CADM2: variants seen among roughly 807,000 people sequenced by gnomAD.
The protein encoded by CADM2 is immunoglobulin superfamily member 4D.
A neutral mutation model predicts 49.8 loss-of-function variants in CADM2; 12 were observed. The observed-to-expected ratio is 0.24, with a 90% CI of 0.15 to 0.39. CADM2 has a LOEUF of 0.39. Among genes scored for constraint, CADM2 ranks in the 10% least tolerant of loss-of-function variants. The pLI, the probability that CADM2 is intolerant of heterozygous loss-of-function variation, is 1.00. For missense variants in CADM2, 378 were observed against 492.3 expected (o/e 0.77, Z 2.20); for synonymous variants, 214 against 175.4 (o/e 1.22, Z -1.74).
chr3:85,772,101 G>T (rs904556479), intron 2 of CADM2, among the ~76,000 whole-genome samples: 9 of 147,876 alleles, frequency 6.1e-5, no homozygotes, highest in Non-Finnish European at 1.2e-4. Context: ...TGAAAATATC[G>T]TGGGGAGAAA....
chr3:85,084,672 C>T (rs1043416752), intron 1 of CADM2, among the ~76,000 whole-genome samples: 4 of 151,964 alleles, frequency 2.6e-5, no homozygotes, highest in Admixed American at 1.3e-4. Context: ...AGTAAATTCA[C>T]CTGTTTCTTT....
At chr3:85,654,351 A>T (rs916362152) in intron 1 of CADM2, among the ~76,000 whole-genome samples, 1 of 152,172 alleles carries the variant, frequency 6.6e-6, no homozygotes, top group African/African-American at 2.4e-5. Flanking sequence ...AGGGGATGGG[A>T]ACTAGTGCAC....
intron 1 of CADM2, among the ~76,000 whole-genome samples, chr3:85,006,797 A>T (rs962202188): frequency 2.0e-5 from 3 of 152,144 alleles, no homozygotes; most frequent in African/African-American, 7.2e-5. Context: ...AACTTAAAAG[A>T]TAAAATATAA....
At chr3:85,929,991 A>G (rs1270965902) in intron 6 of CADM2, among the ~76,000 whole-genome samples, 1 of 152,042 alleles carries the variant, frequency 6.6e-6, no homozygotes, top group African/African-American at 2.4e-5. Context: ...GTTTAAGATA[A>G]TAACCTCATT....
intron 1 of CADM2, among the ~76,000 whole-genome samples, chr3:85,254,091 C>A (rs72917149): frequency 0.066 from 10,071 of 152,078 alleles, 1,102 homozygotes; most frequent in African/African-American, 0.23. Flanking sequence ...CAGCTATAAT[C>A]CTTGGAGTTC....
chr3:85,116,836 T>C (rs1027280019), intron 1 of CADM2, among the ~76,000 whole-genome samples: 2 of 151,992 alleles, frequency 1.3e-5, no homozygotes, highest in African/African-American at 4.8e-5. Context: ...ATCATGTTCT[T>C]ACCTTAGGAC....
At chr3:85,649,544 T>C (rs868518972) in intron 1 of CADM2, among the ~76,000 whole-genome samples, 2 of 152,204 alleles carry the variant, frequency 1.3e-5, no homozygotes, top group African/African-American at 2.4e-5. Flanking sequence ...AACTGTAATG[T>C]CACTGTTTTA....
At chr3:85,508,614 A>G (rs1285593123) in intron 1 of CADM2, among the ~76,000 whole-genome samples, 1 of 152,226 alleles carries the variant, frequency 6.6e-6, no homozygotes, top group African/African-American at 2.4e-5. Context: ...GCTTTCGGCT[A>G]GAAGATTAGT....
intron 3 of CADM2, among the ~76,000 whole-genome samples, chr3:85,817,277 T>G (rs1208580950): frequency 6.6e-6 from 1 of 152,220 alleles, no homozygotes; most frequent in Admixed American, 6.5e-5. Context: ...GTGATTGCTT[T>G]GAGTTTTCCA....
chr3:85,567,708 C>T (rs1413091963), intron 1 of CADM2, among the ~76,000 whole-genome samples: 7 of 152,058 alleles, frequency 4.6e-5, no homozygotes, highest in African/African-American at 1.7e-4. Flanking sequence ...TTGGCTCACA[C>T]AATTATGGAG....
chr3:85,931,088 G>A (rs983780045), intron 6 of CADM2, among the ~76,000 whole-genome samples: 3 of 151,692 alleles, frequency 2.0e-5, no homozygotes, highest in Admixed American at 2.0e-4. Context: ...AAATTTTATT[G>A]CTGGCCATGC....
At chr3:85,973,864 T>C (rs1342868523) in intron 8 of CADM2, among the ~76,000 whole-genome samples, 2 of 151,474 alleles carry the variant, frequency 1.3e-5, no homozygotes, top group African/African-American at 2.4e-5. Context: ...ACTCAAAAAG[T>C]ACAATGGGTG....
At chr3:85,809,920 A>G (rs1386435198) in intron 3 of CADM2, among the ~76,000 whole-genome samples, 1 of 151,736 alleles carries the variant, frequency 6.6e-6, no homozygotes, top group African/African-American at 2.4e-5. Flanking sequence ...CAATATTCTC[A>G]TATGTATTAG....
chr3:85,547,699 C>T (rs560650309), intron 1 of CADM2, among the ~76,000 whole-genome samples: 12 of 152,114 alleles, frequency 7.9e-5, no homozygotes, highest in Non-Finnish European at 1.8e-4. Flanking sequence ...TAAAAACAAC[C>T]AACCATGAAG....
At chr3:85,588,193 A>G (rs533809738) in intron 1 of CADM2, among the ~76,000 whole-genome samples, 1 of 152,188 alleles carries the variant, frequency 6.6e-6, no homozygotes, top group South Asian at 2.1e-4. Context: ...AAAAGCATAT[A>G]TCCAGGTAAC....
intron 1 of CADM2, among the ~76,000 whole-genome samples, chr3:85,134,815 G>T (rs977869356): frequency 4.0e-5 from 6 of 151,844 alleles, no homozygotes; most frequent in Admixed American, 3.3e-4. Flanking sequence ...ATTATTGAGA[G>T]ATTTTATTTA....
At chr3:85,350,554 A>T (rs1008393255) in intron 1 of CADM2, among the ~76,000 whole-genome samples, 1 of 152,140 alleles carries the variant, frequency 6.6e-6, no homozygotes, top group Non-Finnish European at 1.5e-5. Context: ...TCACTTATCC[A>T]AGTATAACTT....
chr3:85,000,470 T>C (rs2033408572), intron 1 of CADM2, among the ~76,000 whole-genome samples: 1 of 152,094 alleles, frequency 6.6e-6, no homozygotes, highest in Non-Finnish European at 1.5e-5. Context: ...CTTTTACTTA[T>C]TCCAAGGTTG....
intron 1 of CADM2, among the ~76,000 whole-genome samples, chr3:85,591,197 T>G (rs1373439035): frequency 6.6e-6 from 1 of 152,038 alleles, no homozygotes; most frequent in African/African-American, 2.4e-5. Context: ...TTTGTCTTGC[T>G]TTAATTTCAA....
Sources: gnomAD v4.1 joint callset for allele counts (sites outside exome capture counted in the v4.1 genomes callset) on GRCh38, gnomAD v4.1.1 for gene constraint, MANE v1.5 for transcripts, NCBI Gene and HGNC (gene_info 2026-07-23, HGNC 2026-07-21) for gene names.